TXK: variants seen among roughly 807,000 people sequenced by gnomAD.
TXK encodes the protein TXK tyrosine kinase.
In TXK, 60 loss-of-function variants were observed where a neutral mutation model predicts 81.0. That is an observed-to-expected ratio of 0.74 (90% confidence interval 0.60 to 0.92). The LOEUF (loss-of-function observed/expected upper bound fraction) is 0.92, where lower values mean the gene tolerates loss of function less well. Ranked by LOEUF, TXK falls within the 40% of genes least tolerant of loss-of-function variation. The pLI is 0.00. For missense variants in TXK, 581 were observed against 638.3 expected, an observed-to-expected ratio of 0.91 and a Z score of 0.97; for synonymous variants, 203 against 210.7, an observed-to-expected ratio of 0.96 and a Z score of 0.32.
At position 48,094,027 on chromosome 4, in the gene TXK, C is replaced by T. The variant is rs567447682; in HGVS notation, c.709+50G>A. On this transcript the variant is annotated intron_variant, in intron 8 of 14. Transcript: ENST00000264316. ...TGCCTGATACCAAAGATGCATTGCC[C>T]ATCAAGGGCATGGCTCCCTGACTCA... is the stretch of plus-strand genomic sequence containing the variant. The T allele has an allele frequency of 1.1e-5, 18 of 1,611,506 alleles. No homozygotes were observed. The South Asian group carries it at 1.8e-4, about 16-fold the overall frequency.
intron 6 of TXK, 30 bp downstream of exon 6, chr4:48,104,871 T>G (rs886822842): frequency 1.9e-6 from 3 of 1,560,132 alleles, no homozygotes; most frequent in Non-Finnish European, 2.6e-6. Flanking sequence ...CTCAGAGATT[T>G]TGAAAATGTC....
At chr4:48,088,152 C>A (rs57348011) in intron 9 of TXK, among the ~76,000 whole-genome samples, 5,761 of 151,814 alleles carry the variant, frequency 0.038, 354 homozygotes, top group African/African-American at 0.13. Context: ...TAAAAAAAAA[C>A]CTAGAATAAA....
chr4:48,073,360 A>G (rs1482827344), intron 13 of TXK, among the ~76,000 whole-genome samples: 1 of 152,198 alleles, frequency 6.6e-6, no homozygotes, highest in Non-Finnish European at 1.5e-5. Flanking sequence ...ATCAACCCCG[A>G]AACTTCATTG....
chr4:48,067,595 A>G lies in TXK; in HGVS notation c.*42T>C. The G allele has an allele frequency of 2.5e-6, 4 of 1,591,298 alleles. No individual in the cohort carries two copies. Among genetic ancestry groups the G allele is most frequent in the Non-Finnish European group, 3.5e-6 (4 of 1,159,082 alleles). ...GGTGAAGATATTCACAATAAATGACAGTTTTGCAAGATGACTCTTTGGGTT... is the reference window on the plus strand; with the variant it reads ...GGTGAAGATATTCACAATAAATGACGGTTTTGCAAGATGACTCTTTGGGTT... On this transcript the variant is annotated 3_prime_UTR_variant, in exon 15 of 15. Transcript: ENST00000264316.
rs556365840 is a variant in TXK at position 48,132,017 on chromosome 4, G to A, written c.16+2138C>T. 8.0e-5 allele frequency among the ~76,000 whole-genome samples: 12 copies of A among 150,148 alleles called. No individual in the cohort carries two copies. In the South Asian group the frequency reaches 2.5e-3, roughly 32 times the overall value. ...ATGGAAGACTATGAGTTATTTTCAG[G>A]TCAGCACAACTGGAATAACCTGATT... On this transcript the variant is annotated intron_variant, in intron 1 of 14. Coordinates refer to ENST00000264316, the MANE Select transcript of TXK (RefSeq NM_003328.3).
intron 1 of TXK, among the ~76,000 whole-genome samples, chr4:48,114,732 A>C (rs946381356): frequency 6.6e-6 from 1 of 152,232 alleles, no homozygotes. Context: ...AGGATTCCAG[A>C]AGTGATGCTC....
At chr4:48,112,240 G>T in intron 4 of TXK, 67 bp downstream of exon 4, 1 of 1,434,350 alleles carries the variant, frequency 7.0e-7, no homozygotes, top group African/African-American at 1.4e-5. Context: ...TTATAAGCCT[G>T]AGTCACTAAG....
chr4:48,123,755 G>A (rs759541510), intron 1 of TXK, among the ~76,000 whole-genome samples: 3 of 152,048 alleles, frequency 2.0e-5, no homozygotes, highest in African/African-American at 7.2e-5. Context: ...TGTCTCCTTC[G>A]ATTCACCCCA....
Position 48,113,198 on chromosome 4 carries a change from G to T in TXK, c.174+9C>A. ...CCATTCCCCTCTTGCCTGTCAAAAT[G>T]ATACTTACTTGCTTCTTATTTGACA... On this transcript the variant is annotated intron_variant, in intron 3 of 14. Transcript: ENST00000264316. 1 of 1,604,388 alleles carries T rather than the reference G, an allele frequency of 6.2e-7. No homozygotes were observed. The highest frequency in any genetic ancestry group is 1.1e-5 in the South Asian group (1 of 90,736).
Position 48,094,772 on chromosome 4 carries a change from G to A in TXK, c.581+371C>T, listed in dbSNP as rs145042805. 2.4e-4 allele frequency among the ~76,000 whole-genome samples: 37 copies of A among 152,210 alleles called. 1 individual carries two copies. The East Asian group carries it at 3.1e-3, about 13-fold the overall frequency. Reference sequence around the variant, plus strand: ...TCTCAGGCACTTTCAGCTTAGCCACGGGGCGCACAAGTTCCCACAGCCAGA... The same window carrying A: ...TCTCAGGCACTTTCAGCTTAGCCACAGGGCGCACAAGTTCCCACAGCCAGA... On this transcript the variant is annotated intron_variant, in intron 7 of 14. Transcript: ENST00000264316.
At chr4:48,081,190 AGAGT>A (rs1023726951) in intron 10 of TXK, among the ~76,000 whole-genome samples, 1 of 152,120 alleles carries the variant, frequency 6.6e-6, no homozygotes, top group Middle Eastern at 3.2e-3. Flanking sequence ...ACATATATAT[AGAGT>A]AAGTGCAGAA....
chr4:48,097,796 G>A (rs1718041399), intron 6 of TXK, among the ~76,000 whole-genome samples: 2 of 145,112 alleles, frequency 1.4e-5, no homozygotes, highest in Non-Finnish European at 3.0e-5. Context: ...TGCCCGGGCT[G>A]GAGTGCAGTG....
intron 6 of TXK, among the ~76,000 whole-genome samples, chr4:48,095,436 A>G (rs1046857634): frequency 2.0e-5 from 3 of 152,202 alleles, no homozygotes; most frequent in Admixed American, 6.5e-5. Flanking sequence ...TGTAATTGGG[A>G]CATGCATTTA....
At chr4:48,096,614 A>C (rs913850470) in intron 6 of TXK, among the ~76,000 whole-genome samples, 11 of 152,092 alleles carry the variant, frequency 7.2e-5, no homozygotes, top group Admixed American at 5.9e-4. Flanking sequence ...TCCACCTCCC[A>C]GGTTCAAGCC....
At chr4:48,116,233 G>A (rs1220686853) in intron 1 of TXK, among the ~76,000 whole-genome samples, 2 of 152,284 alleles carry the variant, frequency 1.3e-5, no homozygotes, top group East Asian at 3.9e-4. Flanking sequence ...TAACATGTAA[G>A]CCAACGGTGA....
chr4:48,082,373 A>G (rs984554162), intron 10 of TXK, among the ~76,000 whole-genome samples: 5 of 152,152 alleles, frequency 3.3e-5, no homozygotes, highest in African/African-American at 1.2e-4. Context: ...TTTACAATCT[A>G]TTTTCCCTGA....
At chr4:48,134,116 C>T (rs770424744) in intron 1 of TXK, 39 bp downstream of exon 1, 4 of 1,611,284 alleles carry the variant, frequency 2.5e-6, no homozygotes, top group Admixed American at 1.7e-5. Context: ...GGCCCCAGAA[C>T]AAGCCCCAAA....
intron 6 of TXK, among the ~76,000 whole-genome samples, chr4:48,095,658 C>T (rs763029526): frequency 1.4e-4 from 21 of 151,730 alleles, no homozygotes; most frequent in Non-Finnish European, 2.6e-4. Flanking sequence ...GCAAGCAGGG[C>T]GTGGGGAAGG....
At chr4:48,070,888 T>G (rs939656422) in intron 14 of TXK, among the ~76,000 whole-genome samples, 1 of 147,986 alleles carries the variant, frequency 6.8e-6, no homozygotes, top group African/African-American at 2.5e-5. Context: ...CTCCATCATT[T>G]AATTCTTTTT....
Sources: allele counts gnomAD v4.1 joint callset (sites outside exome capture counted in the v4.1 genomes callset), GRCh38; gene constraint gnomAD v4.1.1; transcripts MANE v1.5; gene names NCBI Gene and HGNC (gene_info 2026-07-23, HGNC 2026-07-21).